Variants in SDK1 observed in about 807,000 individuals in gnomAD.
SDK1 encodes the protein protein sidekick-1.
A neutral mutation model predicts 245.5 loss-of-function variants in SDK1; 157 were observed. The observed-to-expected ratio is 0.64, with a 90% confidence interval of 0.56 to 0.73. The LOEUF (loss-of-function observed/expected upper bound fraction) is 0.73, where lower values mean the gene tolerates loss of function less well. Ranked by LOEUF, SDK1 falls within the 30% of genes least tolerant of loss-of-function variation. The pLI is 0.00. For missense variants in SDK1, 3,583 were observed against 3,002.3 expected (o/e 1.19, Z -4.52); for synonymous variants, 1,647 against 1,278.5 (o/e 1.29, Z -6.15).
rs114161375 is a variant in SDK1, at chr7:3,796,375, A to G, written c.714-25075A>G. On this transcript the variant is annotated intron_variant, in intron 4 of 44. Transcript: ENST00000404826. ...TTTCTTAATCAGGAAGGTAAAGGGC[A>G]TAGCAGTGGATCTCAGAATGATACT... Among the ~76,000 whole-genome samples the G allele has an allele frequency of 6.2e-3, 948 of 152,372 alleles. 11 individuals are homozygous for G. The highest frequency in any genetic ancestry group is 0.022 in the African/African-American group (912 of 41,586).
chr7:3,660,826 A>C (rs926238879), intron 4 of SDK1, among the ~76,000 whole-genome samples: 1 of 152,220 alleles, frequency 6.6e-6, no homozygotes, highest in Non-Finnish European at 1.5e-5. Flanking sequence ...TTTATCTTTG[A>C]GAGCATGAAT....
intron 26 of SDK1, chr7:4,129,567 G>A (rs948093901): frequency 1.4e-5 from 11 of 791,068 alleles, no homozygotes; most frequent in South Asian, 6.0e-5. Context: ...GTGGCAGGAA[G>A]CAGAGTGTTG....
At chr7:4,220,858 A>G (rs557135571) in intron 39 of SDK1, among the ~76,000 whole-genome samples, 11 of 149,832 alleles carry the variant, frequency 7.3e-5, no homozygotes, top group Non-Finnish European at 1.5e-4. Flanking sequence ...TGCAGCCTCA[A>G]CCTCCCCCGG....
rs149837623 is a variant in SDK1 at position 4,178,564 on chromosome 7, G to A, written c.5076G>A (p.Val1692=). 7 of 1,612,432 alleles carry A rather than the reference G, an allele frequency of 4.3e-6. No homozygotes were observed. The African/African-American group carries it at 9.3e-5, about 22-fold the overall frequency. ...IIGESPASAP[V]EVFVGEAAPA... ...GCGAGAGCCCAGCCAGCGCGCCCGT[G>A]GAGGTCTTTGTCGGCGAGGCTGGTA... Residue 1692 remains valine (V), a synonymous_variant, in exon 35 of 45, where the codon GTG becomes GTA. Coordinates refer to ENST00000404826, the MANE Select transcript of SDK1 (RefSeq NM_152744.4).
At chr7:4,182,868 A>C (rs930541498) in intron 35 of SDK1, among the ~76,000 whole-genome samples, 1 of 152,162 alleles carries the variant, frequency 6.6e-6, no homozygotes, top group Non-Finnish European at 1.5e-5. Flanking sequence ...AGGGAATGTA[A>C]CCGCCCAGCA....
In SDK1 at chr7:4,052,002, G is replaced by A. The variant is rs569030018; in HGVS notation, c.2911+172G>A. On this transcript the variant is annotated intron_variant, in intron 19 of 44. Transcript: ENST00000404826. Reference sequence around the variant, plus strand: ...CAGGCATCAGTACTGATAATGCCTCGCAGAGGATGGCACGTGGACAGTGGA... The same window carrying A: ...CAGGCATCAGTACTGATAATGCCTCACAGAGGATGGCACGTGGACAGTGGA... Among the ~76,000 whole-genome samples the A allele has an allele frequency of 5.3e-5, 8 of 152,194 alleles. No individual in the cohort carries two copies. In the East Asian group the frequency reaches 5.8e-4, roughly 11 times the overall value.
At chr7:3,959,437 T>C (rs1781505614) in intron 8 of SDK1, among the ~76,000 whole-genome samples, 1 of 152,112 alleles carries the variant, frequency 6.6e-6, no homozygotes, top group African/African-American at 2.4e-5. Flanking sequence ...TGTACATGTA[T>C]TTGTAGTAGG....
At chr7:3,536,981 CTA>C (rs1364941774) in intron 1 of SDK1, among the ~76,000 whole-genome samples, 10 of 151,968 alleles carry the variant, frequency 6.6e-5, no homozygotes, top group East Asian at 3.9e-4. Flanking sequence ...TTCAATCTCT[CTA>C]TTTTTTTAAT....
At chr7:3,784,727 T>C (rs577812232) in intron 4 of SDK1, among the ~76,000 whole-genome samples, 1 of 152,220 alleles carries the variant, frequency 6.6e-6, no homozygotes, top group South Asian at 2.1e-4. Context: ...TTGGCCAGGA[T>C]GTGAAGGAAA....
intron 1 of SDK1, among the ~76,000 whole-genome samples, chr7:3,509,840 A>T (rs1583975288): frequency 6.6e-6 from 1 of 152,334 alleles, no homozygotes; most frequent in East Asian, 1.9e-4. Flanking sequence ...TCTAAATTAT[A>T]GAGAATGGAA....
intron 4 of SDK1, among the ~76,000 whole-genome samples, chr7:3,735,150 TA>T (rs376972840): frequency 4.2e-4 from 62 of 148,770 alleles, no homozygotes; most frequent in East Asian, 9.8e-4. Flanking sequence ...CTTCTCAACT[TA>T]AAAAAAAAAA....
intron 17 of SDK1, among the ~76,000 whole-genome samples, chr7:4,036,240 A>G (rs11974413): frequency 0.25 from 37,498 of 152,100 alleles, 6,903 homozygotes; most frequent in African/African-American, 0.53. Flanking sequence ...TAGAATTCAG[A>G]TAATTAAGTC....
At chr7:4,095,101 GCTCCTCCATATCTGAGGTCTTCCTCAC>G (rs1584111503) in intron 22 of SDK1, among the ~76,000 whole-genome samples, 3 of 152,114 alleles carry the variant, frequency 2.0e-5, no homozygotes, top group East Asian at 1.9e-4. Context: ...TCCATCCTCA[GCTCCTCCATATCTGAGGTCTTCCTCAC>G]CTCCCCCACA....
chr7:3,920,894 A>T (rs1450761658), intron 5 of SDK1, among the ~76,000 whole-genome samples: 1 of 152,188 alleles, frequency 6.6e-6, no homozygotes, highest in African/African-American at 2.4e-5. Flanking sequence ...TAACAACTGG[A>T]GCCCCTTCTC....
chr7:4,112,942 C>T (rs573775442), intron 23 of SDK1, among the ~76,000 whole-genome samples: 4 of 152,060 alleles, frequency 2.6e-5, no homozygotes, highest in South Asian at 2.1e-4. Flanking sequence ...TTAGTAGAGA[C>T]GAGATTTCGC....
chr7:3,674,878 A>T (rs1047273582), intron 4 of SDK1, among the ~76,000 whole-genome samples: 1 of 152,188 alleles, frequency 6.6e-6, no homozygotes, highest in Non-Finnish European at 1.5e-5. Flanking sequence ...TGGTAGACTC[A>T]AGCCAATCAT....
intron 4 of SDK1, among the ~76,000 whole-genome samples, chr7:3,815,394 C>G (rs1450390867): frequency 6.5e-5 from 9 of 139,388 alleles, no homozygotes; most frequent in Non-Finnish European, 1.4e-4. Context: ...GTCTTTGGCT[C>G]TGTTTCTATG....
At chr7:3,302,817 CCAAGATACAGCTAACGAA>C (rs1189451541) in intron 1 of SDK1, among the ~76,000 whole-genome samples, 1 of 152,112 alleles carries the variant, frequency 6.6e-6, no homozygotes, top group Non-Finnish European at 1.5e-5. Flanking sequence ...TAGTTGTATT[CCAAGATACAGCTAACGAA>C]CAATCATGGT....
intron 4 of SDK1, among the ~76,000 whole-genome samples, chr7:3,690,581 T>C (rs1784414366): frequency 6.6e-6 from 1 of 152,172 alleles, no homozygotes; most frequent in South Asian, 2.1e-4. Flanking sequence ...GCCTCACTGA[T>C]ATTGATTGAA....
Sources: gnomAD v4.1 joint callset for allele counts (sites outside exome capture counted in the v4.1 genomes callset) on GRCh38, gnomAD v4.1.1 for gene constraint, MANE v1.5 for transcripts, NCBI Gene and HGNC (gene_info 2026-07-23, HGNC 2026-07-21) for gene names.